The following LMBR1 variants were observed in gnomAD, a reference collection of about 807,000 sequenced individuals.
The protein encoded by LMBR1 is limb development membrane protein 1.
In LMBR1, 52 loss-of-function variants were observed where a neutral mutation model predicts 73.9. That is an observed-to-expected ratio of 0.70 (90% CI 0.56 to 0.89). The LOEUF (loss-of-function observed/expected upper bound fraction) is 0.89. Ranked by LOEUF, LMBR1 falls within the 40% of genes least tolerant of loss-of-function variation. LMBR1 has a pLI of 0.00. For missense variants in LMBR1, 539 were observed against 579.8 expected (o/e 0.93, Z 0.72); for synonymous variants, 215 against 209.4 (o/e 1.03, Z -0.23).
intron 5 of LMBR1, among the ~76,000 whole-genome samples, chr7:156,794,127 G>A (rs1829696417): frequency 6.6e-6 from 1 of 152,092 alleles, no homozygotes; most frequent in Admixed American, 6.6e-5. Context: ...GCTGTGTTTG[G>A]GAATTAATTG....
chr7:156,733,278 C>T (rs572835651), intron 10 of LMBR1, among the ~76,000 whole-genome samples: 4 of 152,002 alleles, frequency 2.6e-5, no homozygotes, highest in Middle Eastern at 3.4e-3. Flanking sequence ...CAAAGAAGCA[C>T]GAAAATACCA....
In LMBR1 at chr7:156,688,031, T is replaced by C. The variant is rs562654381; in HGVS notation, c.1386A>G (p.Leu462=). The C allele has an allele frequency of 3.1e-6, 5 of 1,598,654 alleles. No homozygotes were observed. The highest frequency in any genetic ancestry group is 2.3e-5 in the East Asian group (1 of 44,406). The change falls in exon 16 of 17, where the codon CTA becomes CTG. Residue 462 remains leucine, a splice_region_variant and synonymous_variant. Coordinates refer to ENST00000353442, the MANE Select transcript of LMBR1 (RefSeq NM_022458.4). ...SAVREELFKA[L]GLHKLHLPNT... is the part of the protein sequence containing the mutation. Reference sequence around the variant, plus strand: ...AATACCCATAAACCTCAGGATTACCTAGGGCCTTGAAAAGTTCTTCTCGAA... The same window carrying C: ...AATACCCATAAACCTCAGGATTACCCAGGGCCTTGAAAAGTTCTTCTCGAA...
chr7:156,793,889 G>A (rs112244505), intron 5 of LMBR1, among the ~76,000 whole-genome samples: 4,890 of 152,134 alleles, frequency 0.032, 123 homozygotes, highest in South Asian at 0.085. Flanking sequence ...AAGCAACCCC[G>A]CGGTTTAGAT....
At chr7:156,849,935 G>A (rs1375949327) in intron 1 of LMBR1, among the ~76,000 whole-genome samples, 1 of 152,116 alleles carries the variant, frequency 6.6e-6, no homozygotes, top group Non-Finnish European at 1.5e-5. Context: ...GGAGCCAAGG[G>A]ATATATGGAA....
intron 4 of LMBR1, among the ~76,000 whole-genome samples, chr7:156,816,341 G>A (rs1411530137): frequency 6.6e-6 from 1 of 152,108 alleles, no homozygotes; most frequent in African/African-American, 2.4e-5. Flanking sequence ...GAGCATCTGG[G>A]ATTATAGACA....
intron 1 of LMBR1, among the ~76,000 whole-genome samples, chr7:156,853,572 G>C (rs2134105353): frequency 6.6e-6 from 1 of 152,314 alleles, no homozygotes; most frequent in Non-Finnish European, 1.5e-5. Flanking sequence ...TTAAATCTAT[G>C]CAGAAACTGG....
In LMBR1 at chr7:156,826,639, G is replaced by A. The variant is rs1835742891; in HGVS notation, c.285C>T (p.Tyr95=). Residue 95 remains tyrosine (Y), a synonymous_variant, in exon 4 of 17, where the codon TAC becomes TAT. Coordinates refer to ENST00000353442, the MANE Select transcript of LMBR1 (RefSeq NM_022458.4). ...NEILLSFPQN[Y]YIQWLNGSLI... Reference sequence around the variant, plus strand: ...GGGAGCCATTTAGCCACTGAATATAGTAGTTCTGAGGAAAAGAAAGCAGGA... The same window carrying A: ...GGGAGCCATTTAGCCACTGAATATAATAGTTCTGAGGAAAAGAAAGCAGGA... 1.3e-6 allele frequency: 2 copies of A among 1,590,898 alleles called. No homozygotes were observed. Among genetic ancestry groups the A allele is most frequent in the Non-Finnish European group, 1.7e-6 (2 of 1,166,694 alleles).
chr7:156,892,684 A>G, intron 1 of LMBR1: 1 of 277,578 alleles, frequency 3.6e-6, no homozygotes. Flanking sequence ...GGGGCAGGGG[A>G]GGCAAGAGCG....
chr7:156,880,319 T>C (rs1165735105), intron 1 of LMBR1, among the ~76,000 whole-genome samples: 1 of 151,982 alleles, frequency 6.6e-6, no homozygotes, highest in Non-Finnish European at 1.5e-5. Context: ...GGCATAAGAA[T>C]GACACATGGA....
At chr7:156,752,352 CT>C (rs1821061104) in intron 9 of LMBR1, among the ~76,000 whole-genome samples, 1 of 152,186 alleles carries the variant, frequency 6.6e-6, no homozygotes, top group Non-Finnish European at 1.5e-5. Context: ...CTTCTTCTGT[CT>C]CTTTCTGGGA....
At chr7:156,702,398 T>C (rs1281773807) in intron 15 of LMBR1, among the ~76,000 whole-genome samples, 1 of 152,250 alleles carries the variant, frequency 6.6e-6, no homozygotes, top group Non-Finnish European at 1.5e-5. Flanking sequence ...TTTTTTCATA[T>C]GTTTCTGGAC....
At chr7:156,822,721 T>A (rs1049809334) in intron 4 of LMBR1, 1 of 151,408 alleles carries the variant, frequency 6.6e-6, no homozygotes, top group East Asian at 1.9e-4. Flanking sequence ...ATGTAAAAAA[T>A]TGAAATGAAA....
chr7:156,850,885 T>C (rs139141306), intron 1 of LMBR1, among the ~76,000 whole-genome samples: 22 of 152,344 alleles, frequency 1.4e-4, no homozygotes, highest in African/African-American at 4.6e-4. Flanking sequence ...GTTTGGATCA[T>C]GGAGGCAGAT....
Position 156,734,121 on chromosome 7 carries a change from G to A in LMBR1, c.838+56C>T, listed in dbSNP as rs1817396306. 1.1e-5 allele frequency: 12 copies of A among 1,100,750 alleles called. No homozygotes were observed. In the East Asian group the frequency reaches 2.9e-4, roughly 26 times the overall value. The allele number at this position is 1,100,750 out of a possible 1,614,324, so 68.2% of individuals were successfully genotyped here. Reference sequence around the variant, plus strand: ...TTCTAATATTTCAGACTACAGTAAAGTCTTTAATAAGAAACCAAGGCCAAT... The same window carrying A: ...TTCTAATATTTCAGACTACAGTAAAATCTTTAATAAGAAACCAAGGCCAAT... On this transcript the variant is annotated intron_variant, in intron 10 of 16. Coordinates refer to ENST00000353442, the MANE Select transcript of LMBR1 (RefSeq NM_022458.4).
chr7:156,725,565 A>G lies in LMBR1; in HGVS notation c.1068-40T>C, dbSNP rs73166111. The stretch of plus-strand genomic sequence containing the variant: ...GAAAAAAACTCTCCAACAGAATGCA[A>G]GTTTCCTAAGTTCTCGGCAGTCTCC... On this transcript the variant is annotated intron_variant, in intron 13 of 16. Coordinates refer to ENST00000353442, the MANE Select transcript of LMBR1 (RefSeq NM_022458.4). 0.043 allele frequency: 62,325 copies of G among 1,433,104 alleles called. 1,652 individuals are homozygous for G. The highest frequency in any genetic ancestry group is 0.057 in the Admixed American group (2,785 of 49,076). The allele number at this position is 1,433,104 out of a possible 1,614,324, so 88.8% of individuals were successfully genotyped here.
Position 156,809,499 on chromosome 7 carries a change from T to C in LMBR1, c.320-13007A>G, listed in dbSNP as rs149863742. Among the ~76,000 whole-genome samples, 402 of 152,334 alleles carry C rather than the reference T, an allele frequency of 2.6e-3. 4 individuals carry two copies. The highest frequency in any genetic ancestry group is 9.1e-3 in the African/African-American group (377 of 41,580). On this transcript the variant is annotated intron_variant, in intron 4 of 16. Coordinates refer to ENST00000353442, the MANE Select transcript of LMBR1 (RefSeq NM_022458.4). ...CCTCCTATATACTTTAAATCATCCA[T>C]AGATTACTTACAATACCTAATACAG...
intron 1 of LMBR1, among the ~76,000 whole-genome samples, chr7:156,872,499 T>C (rs546785887): frequency 1.3e-5 from 2 of 152,004 alleles, no homozygotes; most frequent in South Asian, 4.2e-4. Context: ...AATAAAAATT[T>C]AGCTGGGCGT....
In LMBR1 at chr7:156,891,211, AATATATATAT is replaced by A. The variant is rs1162520790; in HGVS notation, c.66+1707_66+1716del. 8.9e-3 allele frequency among the ~76,000 whole-genome samples: 722 copies of A among 81,480 alleles called. 9 individuals carry two copies. The highest frequency in any genetic ancestry group is 1.0e-2 in the African/African-American group (192 of 19,252). The allele number at this position is 81,480 out of a possible 152,430, so 53.5% of individuals were successfully genotyped here. A position where few individuals can be genotyped will look rare whatever the true frequency, so the allele number is the denominator to read the frequency against. ...ATCACAAAAAAAAAAAAAAAAAAAAAATATATATATATATATATATATACACACACACACA... is the reference window on the plus strand; with the variant it reads ...ATCACAAAAAAAAAAAAAAAAAAAAAATATATATATATACACACACACACA... On this transcript the variant is annotated intron_variant, in intron 1 of 16. Transcript: ENST00000353442.
At chr7:156,884,565 T>C (rs1465454735) in intron 1 of LMBR1, among the ~76,000 whole-genome samples, 2 of 152,230 alleles carry the variant, frequency 1.3e-5, no homozygotes, top group Non-Finnish European at 2.9e-5. Context: ...TCCAGCTTCC[T>C]AACAGCACCC....
Sources: gnomAD v4.1 joint callset for allele counts (sites outside exome capture counted in the v4.1 genomes callset) on GRCh38, gnomAD v4.1.1 for gene constraint, MANE v1.5 for transcripts, NCBI Gene and HGNC (gene_info 2026-07-23, HGNC 2026-07-21) for gene names.